The following SLC35F3 variants were observed in gnomAD, a reference collection of about 807,000 sequenced individuals.
SLC35F3 encodes solute carrier family 35 member F3, also known as putative thiamine transporter SLC35F3.
Under a neutral mutation model 49.9 loss-of-function variants are expected in SLC35F3, and 25 were observed. The ratio of observed to expected loss-of-function variants is 0.50; its 90% confidence interval spans 0.37 to 0.70. SLC35F3 has a LOEUF of 0.70. SLC35F3 is among the 30% of genes least tolerant of loss of function. SLC35F3 has a pLI of 0.00. For missense variants in SLC35F3, 525 were observed against 639.8 expected (o/e 0.82, Z 1.94); for synonymous variants, 275 against 265.4 (o/e 1.04, Z -0.35).
At chr1:234,316,489 A>G (rs1035403891) in intron 4 of SLC35F3, 113 bp from the exon 5 acceptor site, 25 of 1,359,874 alleles carry the variant, frequency 1.8e-5, no homozygotes, top group Non-Finnish European at 1.1e-5. Flanking sequence ...AGGAGACACC[A>G]CTTTCCCCTC....
intron 2 of SLC35F3, among the ~76,000 whole-genome samples, chr1:234,106,849 G>A (rs947980668): frequency 3.3e-5 from 5 of 152,112 alleles, no homozygotes; most frequent in African/African-American, 9.7e-5. Context: ...CACAGAGGAC[G>A]GCCAAGTGGC....
At chr1:233,925,671 C>G (rs1408287688) in intron 2 of SLC35F3, among the ~76,000 whole-genome samples, 2 of 152,158 alleles carry the variant, frequency 1.3e-5, no homozygotes, top group Non-Finnish European at 2.9e-5. Flanking sequence ...TTGATCCTGT[C>G]ATTATGATGT....
rs545497038 is a variant in SLC35F3, at chr1:234,015,718, CAT to C, written c.283+109962_283+109963del. 3.4e-3 allele frequency among the ~76,000 whole-genome samples: 515 copies of C among 152,216 alleles called. 1 individual carries two copies. The highest frequency in any genetic ancestry group is 5.1e-3 in the Non-Finnish European group (346 of 67,994). ...AAACTGTAAAACTATAAGAAGAAGA[CAT>C]AGGGGAAAGCTACATTGCTCTGGGC... is the stretch of plus-strand genomic sequence containing the variant. On this transcript the variant is annotated intron_variant, in intron 2 of 7. Transcript: ENST00000366618.
chr1:234,142,183 A>G (rs982698772), intron 2 of SLC35F3, among the ~76,000 whole-genome samples: 2 of 152,268 alleles, frequency 1.3e-5, no homozygotes, highest in African/African-American at 4.8e-5. Context: ...GAGGACATCA[A>G]CATGACATCG....
At chr1:233,982,991 G>A (rs139644472) in intron 2 of SLC35F3, among the ~76,000 whole-genome samples, 2 of 152,268 alleles carry the variant, frequency 1.3e-5, no homozygotes, top group Admixed American at 6.5e-5. Flanking sequence ...CCAGGAGCAG[G>A]CGCGTGCCAG....
chr1:234,302,303 G>A (rs1284975906), intron 3 of SLC35F3, among the ~76,000 whole-genome samples: 1 of 152,150 alleles, frequency 6.6e-6, no homozygotes, highest in Non-Finnish European at 1.5e-5. Flanking sequence ...GTGTTTCAGG[G>A]AGAAACAGTC....
chr1:234,291,991 T>C (rs1668515558), intron 3 of SLC35F3, among the ~76,000 whole-genome samples: 1 of 152,114 alleles, frequency 6.6e-6, no homozygotes, highest in African/African-American at 2.4e-5. Context: ...CTGTCTTAGC[T>C]CCAGGGAAAC....
At chr1:234,196,896 A>G (rs1666821977) in intron 2 of SLC35F3, among the ~76,000 whole-genome samples, 1 of 152,106 alleles carries the variant, frequency 6.6e-6, no homozygotes, top group Non-Finnish European at 1.5e-5. Flanking sequence ...GAGCCAAGAT[A>G]GTGCCACTGC....
intron 2 of SLC35F3, among the ~76,000 whole-genome samples, chr1:234,081,347 A>G (rs1329949635): frequency 6.6e-6 from 1 of 152,236 alleles, no homozygotes. Flanking sequence ...ACTGAGAGCT[A>G]GTTCTAATAG....
chr1:234,292,509 C>G (rs1668524785), intron 3 of SLC35F3, among the ~76,000 whole-genome samples: 1 of 152,230 alleles, frequency 6.6e-6, no homozygotes, highest in Admixed American at 6.5e-5. Flanking sequence ...AACCATCTGG[C>G]TCCAGAACTG....
intron 2 of SLC35F3, among the ~76,000 whole-genome samples, chr1:233,966,707 C>T (rs894554439): frequency 6.6e-6 from 1 of 152,238 alleles, no homozygotes; most frequent in East Asian, 1.9e-4. Context: ...ATTTAAAGAA[C>T]AGCTTTAGAA....
Position 234,177,650 on chromosome 1 carries a change from G to T in SLC35F3, c.284-53767G>T, listed in dbSNP as rs576460073. 6.6e-5 allele frequency among the ~76,000 whole-genome samples: 10 copies of T among 152,286 alleles called. No homozygotes were observed. The East Asian group carries it at 1.7e-3, about 26-fold the overall frequency. ...AGGAGGAACTTACAGAGTTGTAGGGGCTCAGTTAGTTATGGGGTACTGTTT... is the reference window on the plus strand; with the variant it reads ...AGGAGGAACTTACAGAGTTGTAGGGTCTCAGTTAGTTATGGGGTACTGTTT... On this transcript the variant is annotated intron_variant, in intron 2 of 7. Transcript: ENST00000366618.
chr1:234,322,275 T>A (rs1043512353), intron 7 of SLC35F3, among the ~76,000 whole-genome samples: 1 of 151,782 alleles, frequency 6.6e-6, no homozygotes, highest in Non-Finnish European at 1.5e-5. Flanking sequence ...AAAATCCACA[T>A]ACAACTTTCA....
At position 233,910,729 on chromosome 1, in the gene SLC35F3, C is replaced by T. The variant is rs182901843; in HGVS notation, c.283+4971C>T. On this transcript the variant is annotated intron_variant, in intron 2 of 7. Coordinates refer to ENST00000366618, the MANE Select transcript of SLC35F3 (RefSeq NM_173508.4). ...AATAGCTTTTTTGAAGGGGGTCATG[C>T]TTATTGCTTAACATGAAGTGCAATT... Among the ~76,000 whole-genome samples the T allele has an allele frequency of 3.0e-4, 46 of 152,290 alleles. No homozygotes were observed. In the East Asian group the frequency reaches 8.3e-3, roughly 27 times the overall value.
In SLC35F3 at chr1:234,088,672, A is replaced by G. The variant is rs146768675; in HGVS notation, c.284-142745A>G. 6.1e-3 allele frequency among the ~76,000 whole-genome samples: 931 copies of G among 152,308 alleles called. 12 individuals are homozygous for G. Among genetic ancestry groups the G allele is most frequent in the African/African-American group, 0.021 (871 of 41,556 alleles). On this transcript the variant is annotated intron_variant, in intron 2 of 7. Coordinates refer to ENST00000366618, the MANE Select transcript of SLC35F3 (RefSeq NM_173508.4). ...CATTTTGTGTTTTGCCATATTTTGT[A>G]TGTTGTGGGGGCTGACAAAGAACTG... is the stretch of plus-strand genomic sequence containing the variant.
chr1:233,958,531 A>G (rs1236609457), intron 2 of SLC35F3, among the ~76,000 whole-genome samples: 1 of 152,234 alleles, frequency 6.6e-6, no homozygotes, highest in Non-Finnish European at 1.5e-5. Flanking sequence ...AGCAAGTTCA[A>G]CCAAGTGACA....
chr1:234,059,939 G>T (rs979005509), intron 2 of SLC35F3, among the ~76,000 whole-genome samples: 4 of 152,132 alleles, frequency 2.6e-5, no homozygotes, highest in Non-Finnish European at 5.9e-5. Flanking sequence ...TTAAGGGTGG[G>T]TCTGCCTTCC....
chr1:234,204,803 C>G (rs1236122647), intron 2 of SLC35F3, among the ~76,000 whole-genome samples: 1 of 152,250 alleles, frequency 6.6e-6, no homozygotes, highest in Non-Finnish European at 1.5e-5. Flanking sequence ...CACCTCATCT[C>G]TTTTTGCTTT....
At chr1:234,133,208 A>C (rs905226836) in intron 2 of SLC35F3, among the ~76,000 whole-genome samples, 4 of 152,214 alleles carry the variant, frequency 2.6e-5, no homozygotes, top group Admixed American at 2.6e-4. Flanking sequence ...GCTCATTCCA[A>C]AGTAACTAGA....
Sources: gnomAD v4.1 joint callset for allele counts (sites outside exome capture counted in the v4.1 genomes callset) on GRCh38, gnomAD v4.1.1 for gene constraint, MANE v1.5 for transcripts, NCBI Gene and HGNC (gene_info 2026-07-23, HGNC 2026-07-21) for gene names.